CPLX3: variants seen among roughly 807,000 people sequenced by gnomAD.
The protein encoded by CPLX3 is complexin 3.
Under a neutral mutation model 17.2 loss-of-function variants are expected in CPLX3, and 12 were observed. That is an observed-to-expected ratio of 0.70 (90% CI 0.45 to 1.13). The LOEUF (loss-of-function observed/expected upper bound fraction) is 1.13. CPLX3 is among the 50% of genes most tolerant of loss of function. The pLI is 0.00. For synonymous variants in CPLX3, 75 were observed against 79.4 expected (o/e 0.94, Z 0.29); for missense variants, 172 against 203.2 (o/e 0.85, Z 0.93).
Position 74,830,454 on chromosome 15 carries a change from GC to G in CPLX3, c.*104del. On this transcript the variant is annotated 3_prime_UTR_variant, in exon 3 of 3. Transcript: ENST00000395018. Reference sequence around the variant, plus strand: ...CTCCATTTGGGGCTTTGTTTCCCTTGCCCCATCCTAGTTCCAAGACCTTTCC... The same window carrying G: ...CTCCATTTGGGGCTTTGTTTCCCTTGCCCATCCTAGTTCCAAGACCTTTCC... 2.0e-6 allele frequency: 2 copies of G among 992,590 alleles called. No individual in the cohort carries two copies. Among genetic ancestry groups the G allele is most frequent in the Non-Finnish European group, 3.0e-6 (2 of 662,682 alleles). The allele number at this position is 992,590 out of a possible 1,614,324, so 61.5% of individuals were successfully genotyped here. A position where few individuals can be genotyped will look rare whatever the true frequency, so the allele number is the denominator to read the frequency against.
At chr15:74,827,419 C>T (rs765846957) in intron 1 of CPLX3, among the ~76,000 whole-genome samples, 5 of 152,218 alleles carry the variant, frequency 3.3e-5, no homozygotes, top group Non-Finnish European at 7.3e-5. Context: ...AGTTACTTAA[C>T]CTTTCTGTGC....
intron 2 of CPLX3, among the ~76,000 whole-genome samples, chr15:74,829,720 T>C (rs1200405575): frequency 6.6e-6 from 1 of 152,190 alleles, no homozygotes; most frequent in Non-Finnish European, 1.5e-5. Flanking sequence ...CTCATAGGTA[T>C]TTTCATTTTG....
chr15:74,830,248 G>C lies in CPLX3; in HGVS notation c.371G>C (p.Gly124Ala). 1 of 1,613,960 alleles carries C rather than the reference G, an allele frequency of 6.2e-7. No individual in the cohort carries two copies. Among genetic ancestry groups the C allele is most frequent in the African/African-American group, 1.3e-5 (1 of 75,040 alleles). Residue 124 changes from glycine to alanine, a missense_variant, in exon 3 of 3, where the codon GGG (glycine) becomes GCG (alanine). Gly to Ala is a moderately conservative substitution (Grantham distance 60). Transcript: ENST00000395018. ...EEEEEKASVLGQLASLPGLNL... is the reference protein window; with the variant it reads ...EEEEEKASVLAQLASLPGLNL... ...GAGGAGGAGAAGGCCTCAGTCCTTG[G>C]GCAGCTGGCCAGCCTTCCTGGCTTG...
In CPLX3 at chr15:74,831,195, C is replaced by T. The variant is rs2063967715; in HGVS notation, c.*841C>T. ...CTCTGGATTCCATAGCTGGAATCTC[C>T]TCTCTTAGCTCAGTGAAAAATAAAA... On this transcript the variant is annotated 3_prime_UTR_variant, in exon 3 of 3. Transcript: ENST00000395018. 6.6e-6 allele frequency: 1 copy of T among 152,668 alleles called. No homozygotes were observed. Among genetic ancestry groups the T allele is most frequent in the African/African-American group, 2.4e-5 (1 of 41,460 alleles). 9.5% of individuals were successfully genotyped at this position (152,668 alleles called of 1,614,324 possible).
chr15:74,830,204 C>T lies in CPLX3; in HGVS notation c.327C>T (p.Ile109=), dbSNP rs367757715. The T allele has an allele frequency of 5.6e-6, 9 of 1,613,734 alleles. No homozygotes were observed. Among genetic ancestry groups the T allele is most frequent in the African/African-American group, 4.0e-5 (3 of 74,838 alleles). Residue 109 remains isoleucine (I), a synonymous_variant, in exon 3 of 3, where the codon ATC becomes ATT. Coordinates refer to ENST00000395018, the MANE Select transcript of CPLX3 (RefSeq NM_001030005.3). ...VELPRELAKM[I]EEDTEEEEEK... Reference sequence around the variant, plus strand: ...TGCCCCGGGAGCTGGCCAAGATGATCGAGGAGGACACAGAGGAGGAGGAGG... The same window carrying T: ...TGCCCCGGGAGCTGGCCAAGATGATTGAGGAGGACACAGAGGAGGAGGAGG...
intron 2 of CPLX3, among the ~76,000 whole-genome samples, chr15:74,829,741 C>T (rs1256798170): frequency 6.6e-6 from 1 of 152,200 alleles, no homozygotes; most frequent in Non-Finnish European, 1.5e-5. Context: ...TCTTTACTCA[C>T]TGTGCTGGTC....
Position 74,826,647 on chromosome 15 carries a change from C to T in CPLX3, c.-57C>T, listed in dbSNP as rs2063944045. On this transcript the variant is annotated 5_prime_UTR_variant, in exon 1 of 3. It adds an upstream start codon to the 5' untranslated region. Coordinates refer to ENST00000395018, the MANE Select transcript of CPLX3 (RefSeq NM_001030005.3). This position sits in a 1 kb window ranked among gnomAD's most constrained non-coding sequence, Gnocchi z 5.0. ...AACCTAGTGCTGAAGTAGGCGCGGACGTGCCCGGTGCCTGGCGCGTGGTAG... is the reference window on the plus strand; with the variant it reads ...AACCTAGTGCTGAAGTAGGCGCGGATGTGCCCGGTGCCTGGCGCGTGGTAG... 4 of 1,569,182 alleles carry T rather than the reference C, an allele frequency of 2.5e-6. No homozygotes were observed. Among genetic ancestry groups the T allele is most frequent in the Middle Eastern group, 2.3e-4 (1 of 4,428 alleles).
At chr15:74,827,278 G>A (rs1453189821) in intron 1 of CPLX3, among the ~76,000 whole-genome samples, 1 of 152,240 alleles carries the variant, frequency 6.6e-6, no homozygotes, top group Non-Finnish European at 1.5e-5. Flanking sequence ...CAGACCCTGA[G>A]ATGGGGGCAC....
chr15:74,831,232 T>C lies in CPLX3; in HGVS notation c.*878T>C, dbSNP rs1011554409. Reference sequence around the variant, plus strand: ...AGTGAAAAATAAAAATCCCAAATGGTGTGCCTACCTTCCCACTTCTTACTG... The same window carrying C: ...AGTGAAAAATAAAAATCCCAAATGGCGTGCCTACCTTCCCACTTCTTACTG... On this transcript the variant is annotated 3_prime_UTR_variant, in exon 3 of 3. Coordinates refer to ENST00000395018, the MANE Select transcript of CPLX3 (RefSeq NM_001030005.3). The C allele has an allele frequency of 2.0e-5, 3 of 152,452 alleles. No individual in the cohort carries two copies. The highest frequency in any genetic ancestry group is 4.8e-5 in the African/African-American group (2 of 41,438). The allele number at this position is 152,452 out of a possible 1,614,324, so 9.4% of individuals were successfully genotyped here.
chr15:74,828,403 C>G (rs2063953585), intron 2 of CPLX3, among the ~76,000 whole-genome samples: 2 of 152,200 alleles, frequency 1.3e-5, no homozygotes, highest in Admixed American at 1.3e-4. Context: ...CCTCCACCCC[C>G]CATATCCCCA....
chr15:74,828,169 G>A (rs1281025203), intron 2 of CPLX3, 48 bp downstream of exon 2: 2 of 1,477,944 alleles, frequency 1.4e-6, no homozygotes, highest in Non-Finnish European at 1.9e-6. Flanking sequence ...TGAGCTCTGG[G>A]TTCTGGACTC....
chr15:74,829,914 C>T (rs2063960660), intron 2 of CPLX3, among the ~76,000 whole-genome samples: 1 of 151,056 alleles, frequency 6.6e-6, no homozygotes, highest in Non-Finnish European at 1.5e-5. Context: ...ATTCCCCCGG[C>T]ACTTTGGGAG....
Position 74,830,294 on chromosome 15 carries a change from C to A in CPLX3, c.417C>A (p.Asp139Glu). Residue 139 changes from aspartate (D) to glutamate (E), a missense_variant, in exon 3 of 3, where the codon GAC becomes GAA. Coordinates refer to ENST00000395018, the MANE Select transcript of CPLX3 (RefSeq NM_001030005.3). Reference sequence around the variant, plus strand: ...GCTTGAACCTGGGCTCACTCAAGGACAAGGCCCAGGCCACACTGGGGGATC... The same window carrying A: ...GCTTGAACCTGGGCTCACTCAAGGAAAAGGCCCAGGCCACACTGGGGGATC... The part of the protein sequence containing the change: ...LPGLNLGSLK[D>E]KAQATLGDLK... The A allele has an allele frequency of 1.2e-6, 2 of 1,613,894 alleles. No individual in the cohort carries two copies. The highest frequency in any genetic ancestry group is 1.7e-6 in the Non-Finnish European group (2 of 1,180,046).
chr15:74,827,985 C>A, intron 1 of CPLX3, 49 bp from the exon 2 acceptor site: 1 of 1,483,464 alleles, frequency 6.7e-7, no homozygotes, highest in East Asian at 2.4e-5. Flanking sequence ...AAGACCTCAA[C>A]CCCCTTCTCT....
chr15:74,828,044 G>A lies in CPLX3; in HGVS notation c.175G>A (p.Asp59Asn), dbSNP rs1361397915. 6.2e-7 allele frequency: 1 copy of A among 1,606,874 alleles called. No individual in the cohort carries two copies. The highest frequency in any genetic ancestry group is 1.3e-5 in the African/African-American group (1 of 74,798). Residue 59 changes from aspartate to asparagine, a missense_variant, in exon 2 of 3, where the codon GAT (aspartate) becomes AAT (asparagine). Transcript: ENST00000395018. ...CCGGTGACCCTGCAGGATGGAGCGGGATGCACAGTTCACACAGAGGAAGGC... is the reference window on the plus strand; with the variant it reads ...CCGGTGACCCTGCAGGATGGAGCGGAATGCACAGTTCACACAGAGGAAGGC... ...KQLVEEKMER[D>N]AQFTQRKAER... is the part of the protein sequence containing the mutation.
chr15:74,828,625 A>G (rs1162003786), intron 2 of CPLX3, among the ~76,000 whole-genome samples: 1 of 152,184 alleles, frequency 6.6e-6, no homozygotes, highest in Admixed American at 6.5e-5. Context: ...TATCACCCAC[A>G]GCGACAAAAG....
Position 74,827,889 on chromosome 15 carries a change from G to C in CPLX3, c.165-145G>C, listed in dbSNP as rs1021072236. 17 of 648,036 alleles carry C rather than the reference G, an allele frequency of 2.6e-5. No individual in the cohort carries two copies. In the African/African-American group the frequency reaches 3.1e-4, roughly 12 times the overall value. 40.1% of individuals were successfully genotyped at this position (648,036 alleles called of 1,614,324 possible). A position where few individuals can be genotyped will look rare whatever the true frequency, so the allele number is the denominator to read the frequency against. On this transcript the variant is annotated intron_variant, in intron 1 of 2. Transcript: ENST00000395018. ...GATGGGCAGAGGCAGCAGAAACCTG[G>C]ATGTCCGGGTTGGAGCGCTTTTGCT...
chr15:74,826,684 T>A lies in CPLX3; in HGVS notation c.-20T>A. 6.3e-7 allele frequency: 1 copy of A among 1,597,320 alleles called. No homozygotes were observed. Among genetic ancestry groups the A allele is most frequent in the South Asian group, 1.1e-5 (1 of 90,264 alleles). ...CTGGCGCGTGGTAGCAGGCGCCCGG[T>A]GCCCCGGCCGGCGAAGACCATGGCG... On this transcript the variant is annotated 5_prime_UTR_variant, in exon 1 of 3. Coordinates refer to ENST00000395018, the MANE Select transcript of CPLX3 (RefSeq NM_001030005.3). This position sits in a 1 kb window ranked among gnomAD's most constrained non-coding sequence, Gnocchi z 5.0.
At chr15:74,828,713 C>G (rs1033956973) in intron 2 of CPLX3, among the ~76,000 whole-genome samples, 1 of 152,204 alleles carries the variant, frequency 6.6e-6, no homozygotes, top group African/African-American at 2.4e-5. Context: ...GGGACCAGCC[C>G]TCAAGCCGGT....
Sources: allele counts gnomAD v4.1 joint callset (sites outside exome capture counted in the v4.1 genomes callset), GRCh38; gene constraint gnomAD v4.1.1; non-coding constraint Gnocchi (gnomAD v3.1); transcripts MANE v1.5; gene names NCBI Gene and HGNC (gene_info 2026-07-23, HGNC 2026-07-21).